TLNRD1: variants seen among roughly 807,000 people sequenced by gnomAD.
TLNRD1 encodes the protein talin rod domain-containing protein 1.
TLNRD1 carries 14 observed loss-of-function variants against 19.5 expected under a neutral mutation model. The observed-to-expected ratio is 0.72, with a 90% CI of 0.47 to 1.12. TLNRD1 has a LOEUF of 1.12. Ranked by LOEUF, TLNRD1 falls within the 50% of genes most tolerant of loss-of-function variation. The probability of loss-of-function intolerance (pLI) is 0.00; values close to 1 mark genes in which losing one functional copy is unlikely to be tolerated. For missense variants in TLNRD1, 569 were observed against 531.9 expected, an observed-to-expected ratio of 1.07 and a Z score of -0.69; for synonymous variants, 345 against 261.7, an observed-to-expected ratio of 1.32 and a Z score of -3.07.
Position 81,002,941 on chromosome 15 carries a change from A to G in TLNRD1, c.670A>G (p.Ser224Gly). The G allele has an allele frequency of 6.3e-7, 1 of 1,594,946 alleles. No individual in the cohort carries two copies. Among genetic ancestry groups the G allele is most frequent in the Non-Finnish European group, 8.5e-7 (1 of 1,177,322 alleles). ...FKLGVKCMST[S>G]ASALLACVRE... ...GCTGGGCGTCAAGTGCATGAGCACC[A>G]GCGCGTCGGCGCTGCTGGCCTGCGT... is the stretch of plus-strand genomic sequence containing the variant. The change falls in exon 1 of 1, where the codon AGC becomes GGC. Residue 224 changes from serine (S) to glycine (G), a missense_variant. Transcript: ENST00000267984.
At position 81,003,088 on chromosome 15, in the gene TLNRD1, C is replaced by A; in HGVS notation, c.817C>A (p.Arg273Ser). 1 of 1,551,798 alleles carries A rather than the reference C, an allele frequency of 6.4e-7. No homozygotes were observed. Among genetic ancestry groups the A allele is most frequent in the East Asian group, 2.4e-5 (1 of 41,672 alleles). The change falls in exon 1 of 1, where the codon CGC (arginine) becomes AGC (serine). Residue 273 changes from arginine to serine, a missense_variant. By Grantham distance (110) the Arg-to-Ser change is moderately radical. Coordinates refer to ENST00000267984, the MANE Select transcript of TLNRD1 (RefSeq NM_022566.3). ...GFATEPQFLG[R>S]AAAVSAEGKA... The stretch of plus-strand genomic sequence containing the variant: ...CGCCACCGAGCCGCAGTTCCTGGGT[C>A]GCGCGGCAGCTGTGAGCGCCGAGGG...
In TLNRD1 at chr15:81,004,565, T is replaced by G. The variant is rs1165764194; in HGVS notation, c.*1205T>G. The G allele has an allele frequency of 2.4e-5, 4 of 167,102 alleles. No individual in the cohort carries two copies. Among genetic ancestry groups the G allele is most frequent in the Non-Finnish European group, 4.4e-5 (3 of 68,132 alleles). The allele number at this position is 167,102 out of a possible 1,614,324, so 10.4% of individuals were successfully genotyped here. ...AAAAAATATAGAGAGGGTCCTAGACTGCTTAATAGAGGAAAGAAGTATCCT... is the reference window on the plus strand; with the variant it reads ...AAAAAATATAGAGAGGGTCCTAGACGGCTTAATAGAGGAAAGAAGTATCCT... On this transcript the variant is annotated 3_prime_UTR_variant, in exon 1 of 1. Transcript: ENST00000267984.
Position 81,004,445 on chromosome 15 carries a change from C to A in TLNRD1, c.*1085C>A, listed in dbSNP as rs2141828112. 1 of 167,100 alleles carries A rather than the reference C, an allele frequency of 6.0e-6. No homozygotes were observed. Among genetic ancestry groups the A allele is most frequent in the Non-Finnish European group, 1.5e-5 (1 of 68,088 alleles). 10.4% of individuals were successfully genotyped at this position (167,100 alleles called of 1,614,324 possible). A position where few individuals can be genotyped will look rare whatever the true frequency, so the allele number is the denominator to read the frequency against. On this transcript the variant is annotated 3_prime_UTR_variant, in exon 1 of 1. Transcript: ENST00000267984. ...TGCCAGCCTTCCCAACTCAGAGTCT[C>A]TGGATGGAACTCTAAAAGTACTGTA...
rs1893399414 is a variant in TLNRD1 at position 81,001,060 on chromosome 15, G to A, written c.-1212G>A. The A allele has an allele frequency of 6.6e-6, 1 of 152,602 alleles. No homozygotes were observed. Among genetic ancestry groups the A allele is most frequent in the African/African-American group, 2.4e-5 (1 of 41,434 alleles). The allele number at this position is 152,602 out of a possible 1,614,324, so 9.5% of individuals were successfully genotyped here. ...CGGCGCAGCCACGGCCGCGCTCCGAGGTGAAGCCGCGCGCGGAGAGGAAGC... is the reference window on the plus strand; with the variant it reads ...CGGCGCAGCCACGGCCGCGCTCCGAAGTGAAGCCGCGCGCGGAGAGGAAGC... On this transcript the variant is annotated 5_prime_UTR_variant, in exon 1 of 1. Coordinates refer to ENST00000267984, the MANE Select transcript of TLNRD1 (RefSeq NM_022566.3).
rs1161336370 is a variant in TLNRD1 at position 81,005,015 on chromosome 15, G to GAA, written c.*1660_*1661dup. The GAA allele has an allele frequency of 2.4e-5, 4 of 166,954 alleles. 1 individual carries two copies. In the South Asian group the frequency reaches 8.3e-4, roughly 35 times the overall value. 10.3% of individuals were successfully genotyped at this position (166,954 alleles called of 1,614,324 possible). ...TCACTGTAATACATTAAGAGAGAGA[G>GAA]AAAAAAGTCATATTGACTATTTTAC... On this transcript the variant is annotated 3_prime_UTR_variant, in exon 1 of 1. Transcript: ENST00000267984.
At position 81,002,014 on chromosome 15, in the gene TLNRD1, G is replaced by A. The variant is rs1298670600; in HGVS notation, c.-258G>A. The A allele has an allele frequency of 7.2e-6, 2 of 277,262 alleles. No individual in the cohort carries two copies. The highest frequency in any genetic ancestry group is 1.3e-5 in the Non-Finnish European group (2 of 149,890). The allele number at this position is 277,262 out of a possible 1,614,324, so 17.2% of individuals were successfully genotyped here. On this transcript the variant is annotated 5_prime_UTR_variant, in exon 1 of 1. Transcript: ENST00000267984. Reference sequence around the variant, plus strand: ...ATGGTTCCTGCAAGCCCTCTAGGAGGCCGAAAGCTGCAGCCCCTCCCCTTG... The same window carrying A: ...ATGGTTCCTGCAAGCCCTCTAGGAGACCGAAAGCTGCAGCCCCTCCCCTTG...
At position 81,002,949 on chromosome 15, in the gene TLNRD1, G is replaced by A. The variant is rs1255314908; in HGVS notation, c.678G>A (p.Ser226=). ...TCAAGTGCATGAGCACCAGCGCGTC[G>A]GCGCTGCTGGCCTGCGTGCGCGAGG... ...LGVKCMSTSA[S]ALLACVREVK... Residue 226 remains serine (S), a synonymous_variant, in exon 1 of 1, where the codon TCG becomes TCA. Transcript: ENST00000267984. 11 of 1,592,744 alleles carry A rather than the reference G, an allele frequency of 6.9e-6. No individual in the cohort carries two copies. The highest frequency in any genetic ancestry group is 9.4e-6 in the Non-Finnish European group (11 of 1,176,264).
Position 81,003,517 on chromosome 15 carries a change from A to G in TLNRD1, c.*157A>G, listed in dbSNP as rs535312578. 1.2e-5 allele frequency: 10 copies of G among 834,882 alleles called. No homozygotes were observed. In the East Asian group the frequency reaches 2.7e-4, roughly 23 times the overall value. 51.7% of individuals were successfully genotyped at this position (834,882 alleles called of 1,614,324 possible). On this transcript the variant is annotated 3_prime_UTR_variant, in exon 1 of 1. Coordinates refer to ENST00000267984, the MANE Select transcript of TLNRD1 (RefSeq NM_022566.3). Reference sequence around the variant, plus strand: ...AATCTTCCACAAGGCAGGGCCATGCACGCAACCTGCACACGCACTTGGAGG... The same window carrying G: ...AATCTTCCACAAGGCAGGGCCATGCGCGCAACCTGCACACGCACTTGGAGG...
rs1893401458 is a variant in TLNRD1, at chr15:81,001,176, A to T, written c.-1096A>T. ...GTTGGCGGTTGACAAAAATGGCAGG[A>T]GCCGGGGCCCGGGCCGGTTGCCGCA... is the stretch of plus-strand genomic sequence containing the variant. On this transcript the variant is annotated 5_prime_UTR_variant, in exon 1 of 1. Coordinates refer to ENST00000267984, the MANE Select transcript of TLNRD1 (RefSeq NM_022566.3). The T allele has an allele frequency of 6.5e-6, 1 of 152,714 alleles. No individual in the cohort carries two copies. The allele number at this position is 152,714 out of a possible 1,614,324, so 9.5% of individuals were successfully genotyped here. A position where few individuals can be genotyped will look rare whatever the true frequency, so the allele number is the denominator to read the frequency against.
In TLNRD1 at chr15:81,002,688, C is replaced by G. The variant is rs776050269; in HGVS notation, c.417C>G (p.Gly139=). 74 of 1,466,624 alleles carry G rather than the reference C, an allele frequency of 5.0e-5. No individual in the cohort carries two copies. In the African/African-American group the frequency reaches 9.4e-4, roughly 19 times the overall value. 90.9% of individuals were successfully genotyped at this position (1,466,624 alleles called of 1,614,324 possible). Residue 139 remains glycine (G), a synonymous_variant, in exon 1 of 1, where the codon GGC becomes GGG. Coordinates refer to ENST00000267984, the MANE Select transcript of TLNRD1 (RefSeq NM_022566.3). ...AAYLAAVATP[G]AQPAQPGLVD... The stretch of plus-strand genomic sequence containing the variant: ...ATCTGGCCGCTGTGGCCACGCCGGG[C>G]GCCCAGCCCGCGCAGCCGGGCCTGG...
chr15:81,004,321 A>G lies in TLNRD1; in HGVS notation c.*961A>G, dbSNP rs1225315205. The G allele has an allele frequency of 1.8e-5, 3 of 167,082 alleles. No individual in the cohort carries two copies. The highest frequency in any genetic ancestry group is 4.8e-5 in the African/African-American group (2 of 41,440). 10.3% of individuals were successfully genotyped at this position (167,082 alleles called of 1,614,324 possible). On this transcript the variant is annotated 3_prime_UTR_variant, in exon 1 of 1. Coordinates refer to ENST00000267984, the MANE Select transcript of TLNRD1 (RefSeq NM_022566.3). ...AAGTGATTTAGCTCCCTTTGTCTCC[A>G]CTTACCTTTCCATCATCATGAACAG...
In TLNRD1 at chr15:81,003,506, C is replaced by G. The variant is rs1193589546; in HGVS notation, c.*146C>G. 3.1e-6 allele frequency: 3 copies of G among 955,628 alleles called. No individual in the cohort carries two copies. Among genetic ancestry groups the G allele is most frequent in the Non-Finnish European group, 4.6e-6 (3 of 650,680 alleles). 59.2% of individuals were successfully genotyped at this position (955,628 alleles called of 1,614,324 possible). ...TGCTCGAGAGGAATCTTCCACAAGGCAGGGCCATGCACGCAACCTGCACAC... is the reference window on the plus strand; with the variant it reads ...TGCTCGAGAGGAATCTTCCACAAGGGAGGGCCATGCACGCAACCTGCACAC... On this transcript the variant is annotated 3_prime_UTR_variant, in exon 1 of 1. Transcript: ENST00000267984.
At position 81,002,955 on chromosome 15, in the gene TLNRD1, G is replaced by A; in HGVS notation, c.684G>A (p.Leu228=). The change falls in exon 1 of 1, where the codon CTG becomes CTA. Residue 228 remains leucine (L), a synonymous_variant. Coordinates refer to ENST00000267984, the MANE Select transcript of TLNRD1 (RefSeq NM_022566.3). The part of the protein sequence containing the change: ...VKCMSTSASA[L]LACVREVKVA... ...GCATGAGCACCAGCGCGTCGGCGCT[G>A]CTGGCCTGCGTGCGCGAGGTGAAGG... 6.3e-7 allele frequency: 1 copy of A among 1,590,684 alleles called. No individual in the cohort carries two copies.
Position 81,003,060 on chromosome 15 carries a change from C to G in TLNRD1, c.789C>G (p.Gly263=), listed in dbSNP as rs369155048. The G allele has an allele frequency of 1.9e-6, 3 of 1,546,714 alleles. No homozygotes were observed. The highest frequency in any genetic ancestry group is 1.7e-6 in the Non-Finnish European group (2 of 1,152,204). The change falls in exon 1 of 1, where the codon GGC becomes GGG. Residue 263 remains glycine, a synonymous_variant. Transcript: ENST00000267984. The stretch of plus-strand genomic sequence containing the variant: ...TGCAGGCAGTGAGCGCCCTGGTAGG[C>G]TTCGCCACCGAGCCGCAGTTCCTGG... ...PLVQAVSALV[G]FATEPQFLGR... is the part of the protein sequence containing the mutation.
In TLNRD1 at chr15:81,003,480, A is replaced by C; in HGVS notation, c.*120A>C. 75 of 1,096,478 alleles carry C rather than the reference A, an allele frequency of 6.8e-5. No individual in the cohort carries two copies. Among genetic ancestry groups the C allele is most frequent in the Non-Finnish European group, 8.6e-5 (67 of 778,286 alleles). 67.9% of individuals were successfully genotyped at this position (1,096,478 alleles called of 1,614,324 possible). ...AACCCCCTACCCTCCCCAACGTTAAATGCTCGAGAGGAATCTTCCACAAGG... is the reference window on the plus strand; with the variant it reads ...AACCCCCTACCCTCCCCAACGTTAACTGCTCGAGAGGAATCTTCCACAAGG... On this transcript the variant is annotated 3_prime_UTR_variant, in exon 1 of 1. Coordinates refer to ENST00000267984, the MANE Select transcript of TLNRD1 (RefSeq NM_022566.3).
In TLNRD1 at chr15:81,003,582, T is replaced by C; in HGVS notation, c.*222T>C. ...CCACCAGCCCCCATGCAGTAGGGAC[T>C]GGAAGATATGTCATCTGCTGGTTGT... is the stretch of plus-strand genomic sequence containing the variant. On this transcript the variant is annotated 3_prime_UTR_variant, in exon 1 of 1. Transcript: ENST00000267984. 2.0e-6 allele frequency: 1 copy of C among 496,448 alleles called. No homozygotes were observed. Among genetic ancestry groups the C allele is most frequent in the Non-Finnish European group, 3.6e-6 (1 of 275,450 alleles). 30.8% of individuals were successfully genotyped at this position (496,448 alleles called of 1,614,324 possible). A position where few individuals can be genotyped will look rare whatever the true frequency, so the allele number is the denominator to read the frequency against.
Position 81,003,345 on chromosome 15 carries a change from C to T in TLNRD1, c.1074C>T (p.Ser358=). 1 of 1,597,914 alleles carries T rather than the reference C, an allele frequency of 6.3e-7. No individual in the cohort carries two copies. The highest frequency in any genetic ancestry group is 8.6e-7 in the Non-Finnish European group (1 of 1,167,760). The change falls in exon 1 of 1, where the codon TCC becomes TCT. Residue 358 remains serine (S), a synonymous_variant. Coordinates refer to ENST00000267984, the MANE Select transcript of TLNRD1 (RefSeq NM_022566.3). The stretch of plus-strand genomic sequence containing the variant: ...CCAGGACTTTACCGCCAGTGAATTC[C>T]AATTCTGTGAATTAGCACCCCACCC... The part of the protein sequence containing the change: ...SSPRTLPPVN[S]NSVN
Position 81,002,921 on chromosome 15 carries a change from G to C in TLNRD1, c.650G>C (p.Gly217Ala). The change falls in exon 1 of 1, where the codon GGC becomes GCC. Residue 217 changes from glycine to alanine, a missense_variant. Physicochemically the swap from Gly to Ala is moderately conservative, Grantham distance 60. Coordinates refer to ENST00000267984, the MANE Select transcript of TLNRD1 (RefSeq NM_022566.3). ...TTTTCGCGGGAGCAGTTCAAGCTGG[G>C]CGTCAAGTGCATGAGCACCAGCGCG... ...DRFSREQFKL[G>A]VKCMSTSASA... The C allele has an allele frequency of 6.3e-7, 1 of 1,597,088 alleles. No individual in the cohort carries two copies. Among genetic ancestry groups the C allele is most frequent in the African/African-American group, 1.3e-5 (1 of 74,974 alleles).
rs912591738 is a variant in TLNRD1, at chr15:81,001,342, C to G, written c.-930C>G. The stretch of plus-strand genomic sequence containing the variant: ...GACAGGGATGGACTTGCGTAGACAG[C>G]CAGCGCCGGGCCGCCGGGCGCGCGG... On this transcript the variant is annotated 5_prime_UTR_variant, in exon 1 of 1. Coordinates refer to ENST00000267984, the MANE Select transcript of TLNRD1 (RefSeq NM_022566.3). 30 of 151,728 alleles carry G rather than the reference C, an allele frequency of 2.0e-4. No individual in the cohort carries two copies. Among genetic ancestry groups the G allele is most frequent in the Non-Finnish European group, 3.4e-4 (23 of 67,948 alleles). The allele number at this position is 151,728 out of a possible 1,614,324, so 9.4% of individuals were successfully genotyped here.
Sources: allele counts gnomAD v4.1 joint callset, GRCh38; gene constraint gnomAD v4.1.1; transcripts MANE v1.5; gene names NCBI Gene and HGNC (gene_info 2026-07-23, HGNC 2026-07-21).